Variants in BEAN1 observed in about 807,000 individuals in gnomAD.
The protein encoded by BEAN1 is brain expressed associated with NEDD4 1.
In BEAN1, 17 loss-of-function variants were observed where a neutral mutation model predicts 17.7. The observed-to-expected ratio is 0.96, with a 90% CI of 0.66 to 1.44. BEAN1 has a LOEUF of 1.44. Among genes scored for constraint, BEAN1 ranks in the 40% most tolerant of loss-of-function variants. The pLI is 0.00. For missense variants in BEAN1, 359 were observed against 374.1 expected (o/e 0.96, Z 0.33); for synonymous variants, 142 against 151.8 (o/e 0.94, Z 0.47).
At chr16:66,479,624 G>A (rs1277630849) in intron 4 of BEAN1, among the ~76,000 whole-genome samples, 1 of 152,162 alleles carries the variant, frequency 6.6e-6, no homozygotes, top group Non-Finnish European at 1.5e-5. Context: ...ACAAGGGTCT[G>A]GCTGAGCCTG....
chr16:66,440,183 G>A (rs896484948), intron 2 of BEAN1, among the ~76,000 whole-genome samples: 21 of 137,606 alleles, frequency 1.5e-4, no homozygotes, highest in Admixed American at 4.1e-4. Flanking sequence ...AGGCTGGAGT[G>A]CAGTGGCACG....
In BEAN1 at chr16:66,480,719, C is replaced by G. The variant is rs780307718; in HGVS notation, c.574C>G (p.Arg192Gly). The change falls in exon 5 of 5, where the codon CGA (arginine) becomes GGA (glycine). Residue 192 changes from arginine (R) to glycine (G), a missense_variant. Arg to Gly is a moderately radical substitution (Grantham distance 125). Coordinates refer to ENST00000536005, the MANE Select transcript of BEAN1 (RefSeq NM_001178020.3). ...SDSGSGHSPG[R>G]HQQEQRTPAQ... ...CTCAGGCAGCGGCCACAGCCCTGGCCGACACCAGCAGGAGCAGAGGACCCC... is the reference window on the plus strand; with the variant it reads ...CTCAGGCAGCGGCCACAGCCCTGGCGGACACCAGCAGGAGCAGAGGACCCC... 6.4e-7 allele frequency: 1 copy of G among 1,551,546 alleles called. No individual in the cohort carries two copies. Among genetic ancestry groups the G allele is most frequent in the Non-Finnish European group, 8.7e-7 (1 of 1,146,974 alleles).
At chr16:66,472,973 C>T (rs1181777499) in intron 3 of BEAN1, among the ~76,000 whole-genome samples, 1 of 152,124 alleles carries the variant, frequency 6.6e-6, no homozygotes, top group East Asian at 1.9e-4. Flanking sequence ...GAGCTATGAT[C>T]TCACCACTGC....
At chr16:66,450,631 T>A (rs1198108054) in intron 2 of BEAN1, among the ~76,000 whole-genome samples, 1 of 152,074 alleles carries the variant, frequency 6.6e-6, no homozygotes, top group African/African-American at 2.4e-5. Flanking sequence ...GGCAGGAGGA[T>A]CGCTTGAGCA....
intron 2 of BEAN1, among the ~76,000 whole-genome samples, chr16:66,441,848 G>C (rs976751974): frequency 6.6e-6 from 1 of 152,104 alleles, no homozygotes; most frequent in Admixed American, 6.6e-5. Flanking sequence ...CGGCCAGGCT[G>C]GGCTGACCCC....
At chr16:66,485,465 G>C (rs556258396), downstream of BEAN1, 1 of 302,538 alleles carries the variant, frequency 3.3e-6, no homozygotes, top group African/African-American at 2.2e-5. Flanking sequence ...CATCGTCTGA[G>C]GAAGTGAATC....
Position 66,473,975 on chromosome 16 carries a change from A to G in BEAN1, c.290-3585A>G, listed in dbSNP as rs1963591591. 6.6e-6 allele frequency among the ~76,000 whole-genome samples: 1 copy of G among 151,938 alleles called. No homozygotes were observed. Among genetic ancestry groups the G allele is most frequent in the South Asian group, 2.1e-4 (1 of 4,824 alleles). On this transcript the variant is annotated intron_variant, in intron 3 of 4. Transcript: ENST00000536005. This position sits in a 1 kb window ranked among gnomAD's most constrained non-coding sequence, Gnocchi z 4.5. ...CCCTGCTCCATCTCATACACCATCC[A>G]TCATCCTCCCTTACCTAGCTCCAGC...
chr16:66,427,561 G>C lies in BEAN1; in HGVS notation c.-83+130G>C, dbSNP rs951629691. On this transcript the variant is annotated intron_variant, in intron 1 of 4. Transcript: ENST00000536005. The surrounding 1 kb of genome is among the most constrained non-coding windows in gnomAD (Gnocchi z 4.7). ...CGCGCCGCGCGGAGCCTCGGTGCGC[G>C]GGGCGGGCGGATGCGCGGTCCGGAA... The C allele has an allele frequency of 6.6e-6, 1 of 152,020 alleles. No homozygotes were observed. Among genetic ancestry groups the C allele is most frequent in the Non-Finnish European group, 1.5e-5 (1 of 67,996 alleles). The allele number at this position is 152,020 out of a possible 1,614,324, so 9.4% of individuals were successfully genotyped here. A position where few individuals can be genotyped will look rare whatever the true frequency, so the allele number is the denominator to read the frequency against.
downstream of BEAN1, chr16:66,484,158 T>TC (rs1964052687): frequency 4.9e-6 from 1 of 203,308 alleles, no homozygotes; most frequent in African/African-American, 2.3e-5. The surrounding 1 kb of genome is among the most constrained non-coding windows in gnomAD (Gnocchi z 4.2). Context: ...GACACTTATG[T>TC]CCCCCTCTCT....
chr16:66,436,870 G>A (rs1023184355), intron 1 of BEAN1, among the ~76,000 whole-genome samples: 6 of 152,158 alleles, frequency 3.9e-5, no homozygotes, highest in Admixed American at 1.3e-4. Flanking sequence ...AGGGAAAGAA[G>A]CATTTTCATT....
intron 2 of BEAN1, among the ~76,000 whole-genome samples, chr16:66,460,423 C>G (rs1418685967): frequency 6.6e-6 from 1 of 152,150 alleles, no homozygotes; most frequent in Non-Finnish European, 1.5e-5. Flanking sequence ...GTAAAATCAC[C>G]CAAGGGTCCC....
At chr16:66,479,781 T>C (rs1413338206) in intron 4 of BEAN1, among the ~76,000 whole-genome samples, 1 of 151,672 alleles carries the variant, frequency 6.6e-6, no homozygotes, top group African/African-American at 2.4e-5. Flanking sequence ...ACAGTGGCAG[T>C]GGGAAGAGAA....
At chr16:66,430,023 A>G (rs1250068460) in intron 1 of BEAN1, among the ~76,000 whole-genome samples, 1 of 152,228 alleles carries the variant, frequency 6.6e-6, no homozygotes, top group Admixed American at 6.5e-5. Flanking sequence ...GGGCTTCTGC[A>G]GTCCATTAGC....
In BEAN1 at chr16:66,480,720, G is replaced by C. The variant is rs1047457830; in HGVS notation, c.575G>C (p.Arg192Pro). The C allele has an allele frequency of 6.4e-7, 1 of 1,551,638 alleles. No homozygotes were observed. Among genetic ancestry groups the C allele is most frequent in the South Asian group, 1.2e-5 (1 of 84,058 alleles). ...SDSGSGHSPG[R>P]HQQEQRTPAQ... Reference sequence around the variant, plus strand: ...TCAGGCAGCGGCCACAGCCCTGGCCGACACCAGCAGGAGCAGAGGACCCCG... The same window carrying C: ...TCAGGCAGCGGCCACAGCCCTGGCCCACACCAGCAGGAGCAGAGGACCCCG... Residue 192 changes from arginine to proline, a missense_variant, in exon 5 of 5, where the codon CGA becomes CCA. Coordinates refer to ENST00000536005, the MANE Select transcript of BEAN1 (RefSeq NM_001178020.3).
In BEAN1 at chr16:66,464,399, T is replaced by C. The variant is rs1471373791; in HGVS notation, c.26-5203T>C. Among the ~76,000 whole-genome samples, 5 of 152,232 alleles carry C rather than the reference T, an allele frequency of 3.3e-5. No homozygotes were observed. In the East Asian group the frequency reaches 9.7e-4, roughly 29 times the overall value. Reference sequence around the variant, plus strand: ...CTCTGTCACCCAGAATGGAGTGCAGTGGCGCATCTCGGCTCACTGCAAACT... The same window carrying C: ...CTCTGTCACCCAGAATGGAGTGCAGCGGCGCATCTCGGCTCACTGCAAACT... On this transcript the variant is annotated intron_variant, in intron 2 of 4. Transcript: ENST00000536005.
rs968616058 is a variant in BEAN1 at position 66,434,201 on chromosome 16, G to A, written c.-82-3394G>A. 3.9e-5 allele frequency among the ~76,000 whole-genome samples: 6 copies of A among 152,006 alleles called. No individual in the cohort carries two copies. The highest frequency in any genetic ancestry group is 6.5e-5 in the Admixed American group (1 of 15,280). On this transcript the variant is annotated intron_variant, in intron 1 of 4. Transcript: ENST00000536005. This position sits in a 1 kb window ranked among gnomAD's most constrained non-coding sequence, Gnocchi z 4.3. ...ACGCTTGGCCTAGCAGCTGGGGTGG[G>A]CCTGCCCCCGACCCCGACCCCAACC...
At chr16:66,432,850 G>A (rs746675034) in intron 1 of BEAN1, among the ~76,000 whole-genome samples, 3 of 152,156 alleles carry the variant, frequency 2.0e-5, no homozygotes, top group Non-Finnish European at 4.4e-5. Flanking sequence ...CACCTAGCTT[G>A]CTTCCTCCAG....
chr16:66,458,870 G>A (rs1962973273), intron 2 of BEAN1, among the ~76,000 whole-genome samples: 1 of 152,198 alleles, frequency 6.6e-6, no homozygotes. Context: ...CCCAGCCCTG[G>A]ACTAGAAGCT....
exon 5 of BEAN1, chr16:66,493,459 C>T: frequency 1.6e-6 from 1 of 608,612 alleles, no homozygotes. Flanking sequence ...AGTGCCATGG[C>T]AGCACATGCC....
Sources: allele counts gnomAD v4.1 joint callset (sites outside exome capture counted in the v4.1 genomes callset), GRCh38; gene constraint gnomAD v4.1.1; non-coding constraint Gnocchi (gnomAD v3.1); transcripts MANE v1.5; gene names NCBI Gene and HGNC (gene_info 2026-07-23, HGNC 2026-07-21).